Variants in NUMB observed in about 807,000 individuals in gnomAD.
The protein encoded by NUMB is protein numb homolog.
In NUMB, 29 loss-of-function variants were observed where a neutral mutation model predicts 59.7. That is an observed-to-expected ratio of 0.49 (90% CI 0.36 to 0.66). The LOEUF is 0.66. NUMB is among the 30% of genes least tolerant of loss of function. The pLI is 0.00. For missense variants in NUMB, 723 were observed against 822.0 expected (o/e 0.88, Z 1.47); for synonymous variants, 288 against 288.2 (o/e 1.00, Z 0.01).
chr14:73,292,858 T>TGGTCA lies in NUMB; in HGVS notation c.321_325dup (p.Gln109LeufsTer5). ...ACAGAAAGAAACTTTCTCTATCGTC[T>TGGTCA]GGTCAACTATGAGGTCCTAGAAAAT... is the stretch of plus-strand genomic sequence containing the variant. On this transcript the variant is annotated frameshift_variant, in exon 8 of 13. Coordinates refer to ENST00000555238, the MANE Select transcript of NUMB (RefSeq NM_001005743.2). LOFTEE classifies it high-confidence loss of function. 6.2e-7 allele frequency: 1 copy of TGGTCA among 1,614,236 alleles called. No homozygotes were observed. The highest frequency in any genetic ancestry group is 8.5e-7 in the Non-Finnish European group (1 of 1,180,036).
intron 4 of NUMB, among the ~76,000 whole-genome samples, chr14:73,326,275 C>T (rs1242348087): frequency 1.3e-5 from 2 of 152,096 alleles, no homozygotes; most frequent in Non-Finnish European, 2.9e-5. Flanking sequence ...AGGTGACATA[C>T]ACACAGAATA....
chr14:73,319,649 T>G (rs944495661), intron 5 of NUMB, among the ~76,000 whole-genome samples: 12 of 152,038 alleles, frequency 7.9e-5, no homozygotes, highest in Admixed American at 7.2e-4. Context: ...AGATCCCCAG[T>G]GGATGATTTT....
At chr14:73,442,375 A>T (rs1308550409) in intron 1 of NUMB, among the ~76,000 whole-genome samples, 1 of 151,820 alleles carries the variant, frequency 6.6e-6, no homozygotes, top group Non-Finnish European at 1.5e-5. Flanking sequence ...CCCATCTCAA[A>T]AATAATAATA....
chr14:73,409,870 C>T (rs1896829503), intron 2 of NUMB, 67 bp downstream of exon 2: 1 of 152,362 alleles, frequency 6.6e-6, no homozygotes, highest in East Asian at 1.9e-4. Context: ...CATCTAACTA[C>T]AAACTGGAAG....
At chr14:73,277,991 G>C (rs550509601) in intron 12 of NUMB, among the ~76,000 whole-genome samples, 1 of 145,350 alleles carries the variant, frequency 6.9e-6, no homozygotes, top group Non-Finnish European at 1.5e-5. Flanking sequence ...CTGAGAGGCA[G>C]AGGGTGCAGT....
chr14:73,323,343 C>A, intron 4 of NUMB, 139 bp from the exon 5 acceptor site: 1 of 542,392 alleles, frequency 1.8e-6, no homozygotes, highest in South Asian at 2.6e-5. Flanking sequence ...TTCTGGGTGT[C>A]AAGCATGTTG....
chr14:73,406,883 T>A (rs1424238530), intron 2 of NUMB, among the ~76,000 whole-genome samples: 1 of 151,980 alleles, frequency 6.6e-6, no homozygotes, highest in East Asian at 1.9e-4. Context: ...TTGGCTGCAT[T>A]AATGTCTTCT....
At chr14:73,363,611 T>A (rs763971117) in intron 3 of NUMB, among the ~76,000 whole-genome samples, 1 of 152,126 alleles carries the variant, frequency 6.6e-6, no homozygotes, top group Non-Finnish European at 1.5e-5. Context: ...GACAAGAAAT[T>A]AAAATTATGG....
chr14:73,281,777 G>T (rs954676986), intron 11 of NUMB, among the ~76,000 whole-genome samples: 2 of 152,218 alleles, frequency 1.3e-5, no homozygotes, highest in African/African-American at 4.8e-5. Context: ...TGACAGGGCA[G>T]AGACTAGGTG....
chr14:73,357,924 A>G (rs1893894560), intron 3 of NUMB, among the ~76,000 whole-genome samples: 1 of 150,660 alleles, frequency 6.6e-6, no homozygotes, highest in Non-Finnish European at 1.5e-5. Flanking sequence ...AAAACAAACT[A>G]AAAAAACCCT....
intron 1 of NUMB, among the ~76,000 whole-genome samples, chr14:73,422,793 G>A (rs1398974726): frequency 6.6e-6 from 1 of 151,634 alleles, no homozygotes; most frequent in East Asian, 1.9e-4. Flanking sequence ...TGAGGGATCT[G>A]CTCCCAGGAT....
chr14:73,443,388 G>A (rs950437204), intron 1 of NUMB, among the ~76,000 whole-genome samples: 4 of 152,014 alleles, frequency 2.6e-5, no homozygotes, highest in African/African-American at 9.7e-5. Flanking sequence ...TTGAGGTCAG[G>A]AGTTCCAGAC....
intron 2 of NUMB, among the ~76,000 whole-genome samples, chr14:73,376,887 T>C (rs1646612383): frequency 2.0e-5 from 3 of 152,220 alleles, no homozygotes. Flanking sequence ...CTCCCATCTC[T>C]ATAAATAAAA....
At chr14:73,455,209 T>A (rs1884270945) in intron 1 of NUMB, among the ~76,000 whole-genome samples, 1 of 152,202 alleles carries the variant, frequency 6.6e-6, no homozygotes, top group African/African-American at 2.4e-5. Context: ...AACAGTTTCT[T>A]CACAATTTCA....
chr14:73,372,305 T>TTATATATATATATATATATATA (rs3028704), intron 2 of NUMB, among the ~76,000 whole-genome samples: 4 of 85,996 alleles, frequency 4.7e-5, no homozygotes, highest in Non-Finnish European at 8.7e-5. Context: ...TATATTTCTT[T>TTATATATATATATATATATATA]TATATATATA....
intron 6 of NUMB, among the ~76,000 whole-genome samples, chr14:73,308,707 C>T (rs1036671726): frequency 3.9e-5 from 6 of 152,138 alleles, no homozygotes; most frequent in Non-Finnish European, 8.8e-5. Context: ...TATTTAAAGC[C>T]ATCACACTGT....
Position 73,282,488 on chromosome 14 carries a change from C to G in NUMB, c.967G>C (p.Glu323Gln), listed in dbSNP as rs746681684. The G allele has an allele frequency of 6.2e-7, 1 of 1,613,668 alleles. No individual in the cohort carries two copies. The highest frequency in any genetic ancestry group is 1.3e-5 in the African/African-American group (1 of 74,884). The change falls in exon 11 of 13, where the codon GAG becomes CAG. Residue 323 changes from glutamate to glutamine, a missense_variant. Physicochemically the swap from Glu to Gln is conservative, Grantham distance 29 (BLOSUM62 2). Transcript: ENST00000555238. ...CACAGGGAGCTGATGCTCTCTGCCT[C>G]CCCTTCTACTTCTGGCACTGCAAGG... The part of the protein sequence containing the change: ...IKNAVPEVEG[E>Q]AESISSLCSQ...
At chr14:73,426,718 G>T (rs1235668367) in intron 1 of NUMB, among the ~76,000 whole-genome samples, 2 of 151,914 alleles carry the variant, frequency 1.3e-5, no homozygotes, top group Non-Finnish European at 2.9e-5. Context: ...GTGGTGGCGG[G>T]CACCTGTAGT....
chr14:73,328,584 C>G (rs1002072774), intron 4 of NUMB, among the ~76,000 whole-genome samples: 5 of 152,166 alleles, frequency 3.3e-5, no homozygotes, highest in Non-Finnish European at 7.3e-5. Flanking sequence ...GGTATCGTCT[C>G]TTTTTTAAGC....
Sources: gnomAD v4.1 joint callset for allele counts (sites outside exome capture counted in the v4.1 genomes callset) on GRCh38, gnomAD v4.1.1 for gene constraint, MANE v1.5 for transcripts, NCBI Gene and HGNC (gene_info 2026-07-23, HGNC 2026-07-21) for gene names.